The following MED14 variants were observed in gnomAD, a reference collection of about 807,000 sequenced individuals.
MED14 encodes the protein mediator complex subunit 14.
In MED14, 8 loss-of-function variants were observed where a neutral mutation model predicts 109.0. The observed-to-expected ratio is 0.07, with a 90% confidence interval of 0.04 to 0.13. The LOEUF (loss-of-function observed/expected upper bound fraction) is 0.13. Among genes scored for constraint, MED14 ranks in the 10% least tolerant of loss-of-function variants. MED14 has a pLI of 1.00. For synonymous variants in MED14, 399 were observed against 408.7 expected (o/e 0.98, Z 0.29); for missense variants, 711 against 1,142.4 (o/e 0.62, Z 5.44).
chrX:40,688,853 A>G (rs780011063), intron 15 of MED14, among the ~76,000 whole-genome samples: 1 of 112,411 alleles, frequency 8.9e-6, no homozygotes, highest in East Asian at 2.8e-4. Flanking sequence ...TCAAGAGGCC[A>G]CAAGAATGGT....
At chrX:40,680,648 G>T in intron 20 of MED14, 110 bp downstream of exon 20, 1 of 649,979 alleles carries the variant, frequency 1.5e-6, no homozygotes, top group Non-Finnish European at 2.3e-6. Context: ...GAACTCCTGA[G>T]CACAAGCAAT....
intron 30 of MED14, among the ~76,000 whole-genome samples, chrX:40,653,709 T>C (rs1327323800): frequency 8.9e-6 from 1 of 111,897 alleles, no homozygotes; most frequent in Non-Finnish European, 1.9e-5. Context: ...AGTTACGTGT[T>C]AAGTGAAGTC....
At chrX:40,657,333 A>C (rs1294872799) in intron 28 of MED14, among the ~76,000 whole-genome samples, 1 of 111,788 alleles carries the variant, frequency 8.9e-6, no homozygotes, top group Non-Finnish European at 1.9e-5. Flanking sequence ...AGGTCATTAG[A>C]ATGGTCCCTA....
intron 26 of MED14, among the ~76,000 whole-genome samples, chrX:40,662,712 T>G (rs1172971456): frequency 8.9e-6 from 1 of 111,835 alleles, no homozygotes; most frequent in Non-Finnish European, 1.9e-5. Context: ...CACAGCAAAC[T>G]GTATAATGCA....
chrX:40,692,206 G>T lies in MED14; in HGVS notation c.1957C>A (p.Pro653Thr), dbSNP rs770097155. The T allele has an allele frequency of 8.3e-7, 1 of 1,208,262 alleles. No homozygotes were observed. Among genetic ancestry groups the T allele is most frequent in the South Asian group, 1.8e-5 (1 of 56,540 alleles). The change falls in exon 15 of 31, where the codon CCA (proline) becomes ACA (threonine). Residue 653 changes from proline (P) to threonine (T), a missense_variant. By Grantham distance (38) the Pro-to-Thr change is conservative. Transcript: ENST00000324817. ...ACCTCCAACCGAAGTCCTACAAATG[G>T]CATATTTGTATCACACATAGCGACG... is the stretch of plus-strand genomic sequence containing the variant. ...HFVAMCDTNM[P>T]FVGLRLELSN...
intron 21 of MED14, among the ~76,000 whole-genome samples, chrX:40,676,650 C>G (rs1290850223): frequency 8.9e-6 from 1 of 111,882 alleles, no homozygotes; most frequent in East Asian, 2.8e-4. Flanking sequence ...TTGTAATCCC[C>G]GTGTTGAGAG....
At chrX:40,669,620 T>C (rs992184553) in intron 23 of MED14, among the ~76,000 whole-genome samples, 7 of 112,118 alleles carry the variant, frequency 6.2e-5, no homozygotes, top group African/African-American at 2.3e-4. Flanking sequence ...TCACTTTCAG[T>C]TGTACAAATT....
chrX:40,677,549 C>A lies in MED14; in HGVS notation c.2881-2188G>T, dbSNP rs1244305392. 2.3e-3 allele frequency among the ~76,000 whole-genome samples: 251 copies of A among 110,115 alleles called. 1 individual carries two copies. Among genetic ancestry groups the A allele is most frequent in the Non-Finnish European group, 4.2e-3 (219 of 52,626 alleles). On this transcript the variant is annotated intron_variant, in intron 21 of 30. Transcript: ENST00000324817. ...CATATAATAGAATGTTTAAAATAAA[C>A]ATTTAGAAACAAAAAAAACCTTTTG... is the stretch of plus-strand genomic sequence containing the variant.
At position 40,654,430 on chromosome X, in the gene MED14, C is replaced by T; in HGVS notation, c.4225G>A (p.Val1409Ile). The change falls in exon 30 of 31, where the codon GTT becomes ATT. Residue 1409 changes from valine to isoleucine, a missense_variant. Coordinates refer to ENST00000324817, the MANE Select transcript of MED14 (RefSeq NM_004229.4). Reference sequence around the variant, plus strand: ...TTGCTGACCATCATGGGAGCAGCAACAGAAGAGTTCTGCTGTCTGGGAATG... The same window carrying T: ...TTGCTGACCATCATGGGAGCAGCAATAGAAGAGTTCTGCTGTCTGGGAATG... ...ADIPRQQNSS[V>I]AAPMMVSNIL... The T allele has an allele frequency of 8.3e-7, 1 of 1,211,604 alleles. No individual in the cohort carries two copies.
intron 8 of MED14, 74 bp downstream of exon 8, chrX:40,711,095 G>GT: frequency 9.4e-7 from 1 of 1,067,790 alleles, no homozygotes; most frequent in Non-Finnish European, 1.3e-6. Flanking sequence ...TAAATCAGAT[G>GT]TATGAGAGAA....
intron 28 of MED14, among the ~76,000 whole-genome samples, chrX:40,656,666 G>T (rs1929064649): frequency 8.9e-6 from 1 of 111,745 alleles, no homozygotes; most frequent in African/African-American, 3.2e-5. Context: ...CAACAAGTTG[G>T]GACTACTCAG....
chrX:40,736,016 A>G (rs1378877893), upstream of MED14, among the ~76,000 whole-genome samples: 3 of 111,814 alleles, frequency 2.7e-5, no homozygotes, highest in Non-Finnish European at 3.8e-5. Flanking sequence ...AAAGGCGACA[A>G]TTTGCCCAGA....
In MED14 at chrX:40,710,013, G is replaced by C; in HGVS notation, c.1139C>G (p.Ala380Gly). Residue 380 changes from alanine to glycine, a missense_variant, in exon 9 of 31, where the codon GCT (alanine) becomes GGT (glycine). Around this residue, in one of 8 missense-constraint regions of MED14, gnomAD observed 388 missense variants for 517.3 expected, o/e 0.75. Transcript: ENST00000324817. ...TCTTTCTACTAATTTGGAATCAGAA[G>C]CTGGCAAAGGAGGATCGTGAAAAAT... ...LQIFHDPPLP[A>G]SDSKLVERAM... is the part of the protein sequence containing the mutation. 8.5e-7 allele frequency: 1 copy of C among 1,179,769 alleles called. No homozygotes were observed. The highest frequency in any genetic ancestry group is 1.1e-6 in the Non-Finnish European group (1 of 877,097).
chrX:40,734,581 T>C (rs895912456), intron 1 of MED14, among the ~76,000 whole-genome samples: 1 of 112,512 alleles, frequency 8.9e-6, no homozygotes, highest in East Asian at 2.8e-4. Flanking sequence ...TCTGATCCTA[T>C]TCTGAAGGGA....
At chrX:40,669,915 C>G (rs1222552774) in intron 23 of MED14, among the ~76,000 whole-genome samples, 1 of 111,746 alleles carries the variant, frequency 8.9e-6, no homozygotes, top group Non-Finnish European at 1.9e-5. Context: ...CCCCCCTTAT[C>G]GAATGCTCTT....
chrX:40,732,317 G>C (rs952333630), intron 1 of MED14, among the ~76,000 whole-genome samples: 6 of 112,133 alleles, frequency 5.4e-5, no homozygotes, highest in Admixed American at 1.9e-4. Context: ...TTGGGAGTTT[G>C]AGACCAGCCT....
At chrX:40,726,568 C>T (rs1030089768) in intron 3 of MED14, 178 bp downstream of exon 3, 1 of 390,722 alleles carries the variant, frequency 2.6e-6, no homozygotes, top group African/African-American at 2.5e-5. Context: ...TCTTTCTGAT[C>T]AGGTGTCCAT....
At chrX:40,714,848 T>G in intron 3 of MED14, 138 bp from the exon 4 acceptor site, 1 of 517,766 alleles carries the variant, frequency 1.9e-6, no homozygotes, top group Non-Finnish European at 3.0e-6. Context: ...GTTCTTCAAA[T>G]ATTCTCCAGT....
At chrX:40,683,370 T>A (rs1930189918) in intron 16 of MED14, among the ~76,000 whole-genome samples, 1 of 111,814 alleles carries the variant, frequency 8.9e-6, no homozygotes, top group African/African-American at 3.3e-5. Flanking sequence ...AATGATATAG[T>A]ACAAAGAATA....
Sources: gnomAD v4.1 joint callset for allele counts (sites outside exome capture counted in the v4.1 genomes callset) on GRCh38, gnomAD v4.1.1 for gene constraint, gnomAD v4.1.1 regional missense constraint, MANE v1.5 for transcripts, NCBI Gene and HGNC (gene_info 2026-07-23, HGNC 2026-07-21) for gene names.